The following CDH12 variants were observed in gnomAD, a reference collection of about 807,000 sequenced individuals.
CDH12 encodes cadherin 12.
Under a neutral mutation model 74.1 loss-of-function variants are expected in CDH12, and 41 were observed. The ratio of observed to expected loss-of-function variants is 0.55; its 90% CI spans 0.43 to 0.72. CDH12 has a LOEUF of 0.72. Among genes scored for constraint, CDH12 ranks in the 30% least tolerant of loss-of-function variants. The probability of loss-of-function intolerance (pLI) is 0.00; values close to 1 mark genes in which losing one functional copy is unlikely to be tolerated. For synonymous variants in CDH12, 399 were observed against 355.0 expected, an observed-to-expected ratio of 1.12 and a Z score of -1.39; for missense variants, 945 against 977.2, an observed-to-expected ratio of 0.97 and a Z score of 0.44.
chr5:21,949,437 G>A (rs1442708761), intron 6 of CDH12, among the ~76,000 whole-genome samples: 22 of 141,514 alleles, frequency 1.6e-4, no homozygotes, highest in African/African-American at 5.6e-4. Flanking sequence ...GCGACAGAAC[G>A]AGACTCTGTC....
At chr5:21,757,240 A>G (rs1309898486) in intron 13 of CDH12, among the ~76,000 whole-genome samples, 1 of 152,084 alleles carries the variant, frequency 6.6e-6, no homozygotes, top group Non-Finnish European at 1.5e-5. Flanking sequence ...CAGTGGATCA[A>G]TCTCGGCTCA....
chr5:22,033,752 C>A lies in CDH12; in HGVS notation c.231+44694G>T, dbSNP rs114035143. 3.7e-3 allele frequency among the ~76,000 whole-genome samples: 566 copies of A among 152,212 alleles called. 7 individuals carry two copies. Among genetic ancestry groups the A allele is most frequent in the African/African-American group, 0.013 (530 of 41,558 alleles). On this transcript the variant is annotated intron_variant, in intron 5 of 14. Coordinates refer to ENST00000382254, the MANE Select transcript of CDH12 (RefSeq NM_004061.5). Reference sequence around the variant, plus strand: ...AAAAAATGAATTCAGGTAAAACAATCCTTACATATTTTTAATAAAGTGGGA... The same window carrying A: ...AAAAAATGAATTCAGGTAAAACAATACTTACATATTTTTAATAAAGTGGGA...
chr5:21,980,325 C>A (rs1757255392), intron 5 of CDH12, among the ~76,000 whole-genome samples: 2 of 152,096 alleles, frequency 1.3e-5, no homozygotes, highest in African/African-American at 4.8e-5. Flanking sequence ...TAGAGATGAA[C>A]AACCCTGGAC....
intron 6 of CDH12, among the ~76,000 whole-genome samples, chr5:21,910,012 T>C (rs1308700321): frequency 1.3e-5 from 2 of 152,164 alleles, no homozygotes; most frequent in Non-Finnish European, 2.9e-5. Context: ...TAGCTGTTTT[T>C]GACACAGAAC....
At chr5:22,547,089 A>T (rs1738366268) in intron 1 of CDH12, among the ~76,000 whole-genome samples, 1 of 152,200 alleles carries the variant, frequency 6.6e-6, no homozygotes, top group Non-Finnish European at 1.5e-5. Context: ...TATAGACCAT[A>T]TGCAGAAAAC....
chr5:22,725,169 T>C (rs1384739578), intron 1 of CDH12, among the ~76,000 whole-genome samples: 1 of 151,928 alleles, frequency 6.6e-6, no homozygotes, highest in African/African-American at 2.4e-5. Context: ...CTAAATTCTC[T>C]CTGTGCTTCA....
chr5:21,995,762 C>T (rs1041493827), intron 5 of CDH12, among the ~76,000 whole-genome samples: 3 of 151,708 alleles, frequency 2.0e-5, no homozygotes, highest in African/African-American at 4.8e-5. Context: ...CTGAGGGAAA[C>T]GCTTTGTGCT....
At chr5:22,755,901 T>A (rs899073273) in intron 1 of CDH12, among the ~76,000 whole-genome samples, 2 of 151,776 alleles carry the variant, frequency 1.3e-5, no homozygotes, top group African/African-American at 4.8e-5. Context: ...GTTAGAACTG[T>A]GAAAAATGGG....
intron 5 of CDH12, among the ~76,000 whole-genome samples, chr5:22,062,873 A>C (rs77238689): frequency 6.6e-6 from 1 of 152,154 alleles, no homozygotes; most frequent in Admixed American, 6.6e-5. Context: ...TGAATCACAA[A>C]TGAACAGGAA....
chr5:22,646,237 C>T (rs1739425766), intron 1 of CDH12, among the ~76,000 whole-genome samples: 1 of 151,794 alleles, frequency 6.6e-6, no homozygotes, highest in Non-Finnish European at 1.5e-5. Flanking sequence ...TTAAGGACCC[C>T]TCCTTCTTGA....
intron 3 of CDH12, among the ~76,000 whole-genome samples, chr5:22,352,009 T>G (rs1740374149): frequency 6.6e-6 from 1 of 152,192 alleles, no homozygotes; most frequent in Non-Finnish European, 1.5e-5. Flanking sequence ...AAATTTAATT[T>G]TTGATGCCAC....
At chr5:22,150,213 G>A (rs893998338) in intron 4 of CDH12, among the ~76,000 whole-genome samples, 1 of 151,836 alleles carries the variant, frequency 6.6e-6, no homozygotes, top group African/African-American at 2.4e-5. Context: ...TTTGTGAAAT[G>A]TTTGTCTTCC....
At chr5:22,692,287 G>A (rs1742124253) in intron 1 of CDH12, among the ~76,000 whole-genome samples, 1 of 152,146 alleles carries the variant, frequency 6.6e-6, no homozygotes, top group Non-Finnish European at 1.5e-5. Context: ...ACAGAGCTAT[G>A]AGCCAAGTAA....
intron 5 of CDH12, among the ~76,000 whole-genome samples, chr5:22,010,450 T>G (rs909888918): frequency 2.0e-5 from 3 of 152,222 alleles, no homozygotes; most frequent in Admixed American, 6.5e-5. Context: ...AAGTCTTTTA[T>G]TCTGGGTGAA....
At chr5:22,101,164 T>C (rs1744117914) in intron 4 of CDH12, among the ~76,000 whole-genome samples, 1 of 152,118 alleles carries the variant, frequency 6.6e-6, no homozygotes, top group Non-Finnish European at 1.5e-5. Flanking sequence ...CATGCAAATA[T>C]TTATTGGGTG....
At chr5:21,755,884 T>C (rs760141422) in intron 13 of CDH12, 42 bp from the exon 14 acceptor site, 4 of 1,596,308 alleles carry the variant, frequency 2.5e-6, no homozygotes, top group Non-Finnish European at 3.4e-6. Context: ...TACTATAAGC[T>C]TCACTTCAAA....
intron 8 of CDH12, among the ~76,000 whole-genome samples, chr5:21,828,061 A>G (rs370777390): frequency 3.9e-5 from 6 of 152,306 alleles, no homozygotes; most frequent in Non-Finnish European, 1.5e-5. Flanking sequence ...AGCAACACTA[A>G]AAGTTTTTTC....
intron 4 of CDH12, among the ~76,000 whole-genome samples, chr5:22,086,406 G>A (rs911017605): frequency 7.9e-5 from 12 of 151,964 alleles, no homozygotes; most frequent in South Asian, 2.1e-4. Context: ...GTGCAGTGGC[G>A]TGATCTCGTC....
At chr5:21,843,511 A>G (rs1221493990) in intron 7 of CDH12, among the ~76,000 whole-genome samples, 6 of 137,298 alleles carry the variant, frequency 4.4e-5, no homozygotes, top group Admixed American at 2.2e-4. Context: ...ATCAATTTGT[A>G]CTGACACTTT....
Sources: gnomAD v4.1 joint callset for allele counts (sites outside exome capture counted in the v4.1 genomes callset) on GRCh38, gnomAD v4.1.1 for gene constraint, MANE v1.5 for transcripts, NCBI Gene and HGNC (gene_info 2026-07-23, HGNC 2026-07-21) for gene names.